HS3ST2: variants seen among roughly 807,000 people sequenced by gnomAD.
HS3ST2 encodes heparan sulfate-glucosamine 3-sulfotransferase 2.
In HS3ST2, 17 loss-of-function variants were observed where a neutral mutation model predicts 26.3. The observed-to-expected ratio is 0.65, with a 90% CI of 0.44 to 0.97. The LOEUF is 0.97. HS3ST2 is among the 50% of genes least tolerant of loss of function. The probability of loss-of-function intolerance (pLI) is 0.00; values close to 1 mark genes in which losing one functional copy is unlikely to be tolerated. For synonymous variants in HS3ST2, 237 were observed against 219.2 expected, an observed-to-expected ratio of 1.08 and a Z score of -0.72; for missense variants, 402 against 501.2, an observed-to-expected ratio of 0.80 and a Z score of 1.89.
Position 22,841,254 on chromosome 16 carries a change from C to G in HS3ST2, c.485+26159C>G, listed in dbSNP as rs184888585. Among the ~76,000 whole-genome samples the G allele has an allele frequency of 6.3e-4, 96 of 152,004 alleles. 1 individual carries two copies. Among genetic ancestry groups the G allele is most frequent in the Middle Eastern group, 3.4e-3 (1 of 294 alleles). On this transcript the variant is annotated intron_variant, in intron 1 of 1. Coordinates refer to ENST00000261374, the MANE Select transcript of HS3ST2 (RefSeq NM_006043.2). ...TTTTTTATATTTTTAGTAGAGACAGCGTTTCACTATGTTGCCCAGGCTGGT... is the reference window on the plus strand; with the variant it reads ...TTTTTTATATTTTTAGTAGAGACAGGGTTTCACTATGTTGCCCAGGCTGGT...
At chr16:22,894,822 A>G (rs1055025240) in intron 1 of HS3ST2, among the ~76,000 whole-genome samples, 1 of 151,968 alleles carries the variant, frequency 6.6e-6, no homozygotes, top group African/African-American at 2.4e-5. Context: ...GGGAGACCCT[A>G]TCTCAAAATG....
At chr16:22,877,839 C>T (rs896894322) in intron 1 of HS3ST2, among the ~76,000 whole-genome samples, 27 of 152,126 alleles carry the variant, frequency 1.8e-4, no homozygotes, top group Admixed American at 1.6e-3. Context: ...ATGAGTGCAA[C>T]AATACGGGTA....
rs554011071 is a variant in HS3ST2 at position 22,896,115 on chromosome 16, T to G, written c.486-18829T>G. Among the ~76,000 whole-genome samples the G allele has an allele frequency of 2.0e-5, 3 of 152,324 alleles. No individual in the cohort carries two copies. The South Asian group carries it at 6.2e-4, about 32-fold the overall frequency. ...GTGCACTCCACCATGCCTGTCTCTA[T>G]CTTTTTTAAAAGCATAATGTTGACA... On this transcript the variant is annotated intron_variant, in intron 1 of 1. Transcript: ENST00000261374.
intron 1 of HS3ST2, among the ~76,000 whole-genome samples, chr16:22,886,095 T>C (rs1223501957): frequency 1.3e-5 from 2 of 152,188 alleles, no homozygotes; most frequent in Non-Finnish European, 2.9e-5. Context: ...GAGGTTCATT[T>C]TCTTTTCCCT....
At chr16:22,855,590 A>G (rs895058324) in intron 1 of HS3ST2, among the ~76,000 whole-genome samples, 1 of 152,036 alleles carries the variant, frequency 6.6e-6, no homozygotes, top group African/African-American at 2.4e-5. Flanking sequence ...CTCAGAAAGC[A>G]TTCCTTTTCA....
intron 1 of HS3ST2, among the ~76,000 whole-genome samples, chr16:22,897,998 CT>C (rs910703753): frequency 1.3e-5 from 2 of 152,240 alleles, no homozygotes. Flanking sequence ...AGTAAACACA[CT>C]TTGGGAAATT....
At chr16:22,897,393 T>TCA (rs1902224968) in intron 1 of HS3ST2, among the ~76,000 whole-genome samples, 1 of 152,210 alleles carries the variant, frequency 6.6e-6, no homozygotes, top group Non-Finnish European at 1.5e-5. Flanking sequence ...AGTAAGTACA[T>TCA]GCCCATATTA....
chr16:22,815,225 C>T, intron 1 of HS3ST2, 130 bp downstream of exon 1: 1 of 1,207,008 alleles, frequency 8.3e-7, no homozygotes, highest in Non-Finnish European at 1.1e-6. Flanking sequence ...CACACAGGGC[C>T]ATGGGGGGCT....
intron 1 of HS3ST2, among the ~76,000 whole-genome samples, chr16:22,821,706 G>A (rs460473): frequency 0.42 from 63,889 of 151,898 alleles, 13,536 homozygotes; most frequent in East Asian, 0.45. Context: ...GCTGTAGGCC[G>A]GTTCAGCTGC....
chr16:22,849,883 CT>C (rs1484232245), intron 1 of HS3ST2, among the ~76,000 whole-genome samples: 1 of 152,150 alleles, frequency 6.6e-6, no homozygotes, highest in African/African-American at 2.4e-5. Context: ...CTGGGATTCC[CT>C]CTCTCATTAC....
At chr16:22,878,708 G>C (rs777892360) in intron 1 of HS3ST2, among the ~76,000 whole-genome samples, 3 of 152,196 alleles carry the variant, frequency 2.0e-5, no homozygotes, top group African/African-American at 4.8e-5. Flanking sequence ...ACCGAGGGAA[G>C]GGTGTTCCAA....
At chr16:22,888,147 G>T (rs1902086327) in intron 1 of HS3ST2, among the ~76,000 whole-genome samples, 1 of 152,064 alleles carries the variant, frequency 6.6e-6, no homozygotes, top group Admixed American at 6.5e-5. Context: ...ACTCTCTGGT[G>T]TTTTCTTAGG....
At chr16:22,870,379 C>T (rs1025783664) in intron 1 of HS3ST2, among the ~76,000 whole-genome samples, 7 of 152,156 alleles carry the variant, frequency 4.6e-5, no homozygotes, top group Non-Finnish European at 1.0e-4. Flanking sequence ...CTGGGTGCAG[C>T]TTCTAATTGA....
At chr16:22,870,305 T>C (rs1901816544) in intron 1 of HS3ST2, among the ~76,000 whole-genome samples, 1 of 152,248 alleles carries the variant, frequency 6.6e-6, no homozygotes, top group African/African-American at 2.4e-5. Flanking sequence ...CATTAAAATG[T>C]ATCCAGATAT....
intron 1 of HS3ST2, among the ~76,000 whole-genome samples, chr16:22,914,103 C>G (rs576769783): frequency 6.6e-6 from 1 of 151,838 alleles, no homozygotes; most frequent in Non-Finnish European, 1.5e-5. Context: ...TAACTCTGCA[C>G]TGCACCTTGG....
intron 1 of HS3ST2, among the ~76,000 whole-genome samples, chr16:22,816,889 A>G (rs912950098): frequency 6.6e-6 from 1 of 152,214 alleles, no homozygotes; most frequent in African/African-American, 2.4e-5. Flanking sequence ...AATTCTGAGC[A>G]TCTGGCTTTC....
In HS3ST2 at chr16:22,857,999, A is replaced by G. The variant is rs116171269; in HGVS notation, c.485+42904A>G. 4.6e-3 allele frequency among the ~76,000 whole-genome samples: 695 copies of G among 152,072 alleles called. 9 individuals carry two copies. Among genetic ancestry groups the G allele is most frequent in the African/African-American group, 0.016 (659 of 41,460 alleles). ...GGTTGTTCTTTGATTCACTTTACCA[A>G]CCTTCACTGATGTCTACAGTGTGCC... On this transcript the variant is annotated intron_variant, in intron 1 of 1. Coordinates refer to ENST00000261374, the MANE Select transcript of HS3ST2 (RefSeq NM_006043.2).
chr16:22,840,776 A>G (rs1901340035), intron 1 of HS3ST2, among the ~76,000 whole-genome samples: 1 of 152,190 alleles, frequency 6.6e-6, no homozygotes, highest in Non-Finnish European at 1.5e-5. Flanking sequence ...GTTCTGGAGT[A>G]GGTGGTGACA....
chr16:22,815,800 T>A (rs1338261003), intron 1 of HS3ST2, among the ~76,000 whole-genome samples: 1 of 152,202 alleles, frequency 6.6e-6, no homozygotes, highest in Non-Finnish European at 1.5e-5. Flanking sequence ...TCCATCCCAA[T>A]GGGCAGGAAA....
Sources: allele counts gnomAD v4.1 joint callset (sites outside exome capture counted in the v4.1 genomes callset), GRCh38; gene constraint gnomAD v4.1.1; transcripts MANE v1.5; gene names NCBI Gene and HGNC (gene_info 2026-07-23, HGNC 2026-07-21).